INSC: variants seen among roughly 807,000 people sequenced by gnomAD.
The protein encoded by INSC is protein inscuteable homolog.
In INSC, 67 loss-of-function variants were observed where a neutral mutation model predicts 58.6. The ratio of observed to expected loss-of-function variants is 1.14; its 90% CI spans 0.94 to 1.40. The LOEUF is 1.40. INSC is among the 40% of genes most tolerant of loss of function. The probability of loss-of-function intolerance (pLI) is 0.00; values close to 1 mark genes in which losing one functional copy is unlikely to be tolerated. For synonymous variants in INSC, 262 were observed against 276.1 expected (o/e 0.95, Z 0.51); for missense variants, 714 against 692.0 (o/e 1.03, Z -0.36).
Position 15,175,867 on chromosome 11 carries a change from C to A in INSC, c.183C>A (p.Asp61Glu). The A allele has an allele frequency of 1.9e-6, 3 of 1,614,064 alleles. No homozygotes were observed. Among genetic ancestry groups the A allele is most frequent in the Non-Finnish European group, 1.7e-6 (2 of 1,179,906 alleles). ...GCCTGGAAGAGGATGCACAGGGTGA[C>A]CTCATCCTGGCAGGTGGCCCTGGCC... is the stretch of plus-strand genomic sequence containing the variant. ...PISLEEDAQG[D>E]LILAGGPGPG... The change falls in exon 3 of 13, where the codon GAC becomes GAA. Residue 61 changes from aspartate (D) to glutamate (E), a missense_variant. By Grantham distance (45) the Asp-to-Glu change is conservative (BLOSUM62 2). Transcript: ENST00000379556.
chr11:15,224,654 G>C (rs1452751025), intron 8 of INSC, among the ~76,000 whole-genome samples: 1 of 152,210 alleles, frequency 6.6e-6, no homozygotes, highest in African/African-American at 2.4e-5. Context: ...CAGACGTCAG[G>C]TCCACTGAAA....
At chr11:15,201,637 G>T (rs1343364327) in intron 7 of INSC, among the ~76,000 whole-genome samples, 1 of 152,208 alleles carries the variant, frequency 6.6e-6, no homozygotes, top group Non-Finnish European at 1.5e-5. Flanking sequence ...GTCTGAGCTT[G>T]CGGATAGGCT....
At chr11:15,197,773 T>TC (rs1176770312) in intron 6 of INSC, among the ~76,000 whole-genome samples, 7 of 151,496 alleles carry the variant, frequency 4.6e-5, no homozygotes, top group East Asian at 1.9e-4. Flanking sequence ...ATCAAAATTA[T>TC]CCCCCCCACC....
chr11:15,246,008 C>G lies in INSC; in HGVS notation c.1567C>G (p.Leu523Val), dbSNP rs1852550942. The part of the protein sequence containing the change: ...VQPRLVDSFL[L>V]CSNMEESFV ...GCCTCGGCTGGTGGACTCCTTCTTA[C>G]TCTGCAGCAACATGGAGGAGAGTTT... Residue 523 changes from leucine (L) to valine (V), a missense_variant, in exon 13 of 13, where the codon CTC (leucine) becomes GTC (valine). Physicochemically the swap from Leu to Val is conservative, Grantham distance 32 (BLOSUM62 1). Coordinates refer to ENST00000379556, the MANE Select transcript of INSC (RefSeq NM_001042536.3). The G allele has an allele frequency of 6.2e-7, 1 of 1,614,078 alleles. No individual in the cohort carries two copies. Among genetic ancestry groups the G allele is most frequent in the Admixed American group, 1.7e-5 (1 of 60,010 alleles).
intron 9 of INSC, among the ~76,000 whole-genome samples, chr11:15,229,966 A>AT (rs1241075691): frequency 7.8e-5 from 1 of 12,836 alleles, no homozygotes; most frequent in African/African-American, 3.7e-4. Flanking sequence ...ATATTTATAT[A>AT]TATATATATA....
intron 1 of INSC, among the ~76,000 whole-genome samples, chr11:15,142,716 G>A (rs1199050420): frequency 1.3e-5 from 2 of 152,280 alleles, no homozygotes; most frequent in African/African-American, 2.4e-5. Flanking sequence ...AGCTGGGTAC[G>A]ACCACGCAGT....
intron 5 of INSC, among the ~76,000 whole-genome samples, chr11:15,181,529 G>A (rs1197291454): frequency 1.3e-5 from 2 of 152,094 alleles, no homozygotes; most frequent in Non-Finnish European, 2.9e-5. Context: ...AGACAGCCTG[G>A]ACTAAAGCTG....
chr11:15,116,578 ATTC>A (rs1677627947), intron 1 of INSC, among the ~76,000 whole-genome samples: 1 of 152,082 alleles, frequency 6.6e-6, no homozygotes, highest in African/African-American at 2.4e-5. Context: ...TGGTGGTGTT[ATTC>A]TTCTTAGTAG....
chr11:15,243,743 T>C (rs938726619), intron 12 of INSC, among the ~76,000 whole-genome samples: 1 of 152,084 alleles, frequency 6.6e-6, no homozygotes, highest in Admixed American at 6.6e-5. Flanking sequence ...CTTCTTTCCC[T>C]TCTTCCCCTC....
chr11:15,151,104 T>A (rs146181729), intron 2 of INSC, among the ~76,000 whole-genome samples: 3 of 152,242 alleles, frequency 2.0e-5, no homozygotes, highest in African/African-American at 4.8e-5. Flanking sequence ...CAACTCCTGG[T>A]CCTTAGCCTG....
rs1175241398 is a variant in INSC at position 15,246,653 on chromosome 11, G to GGTTAA, written c.*617_*621dup. On this transcript the variant is annotated 3_prime_UTR_variant, in exon 13 of 13. Transcript: ENST00000379556. ...TCTTGTTTTCATAGGTGTATAAATA[G>GGTTAA]GTTAAGTTCTGAGTGACTTAGTGAG... The GGTTAA allele has an allele frequency of 2.0e-5, 3 of 152,460 alleles. No homozygotes were observed. The highest frequency in any genetic ancestry group is 7.2e-5 in the African/African-American group (3 of 41,386). 9.4% of individuals were successfully genotyped at this position (152,460 alleles called of 1,614,324 possible). A position where few individuals can be genotyped will look rare whatever the true frequency, so the allele number is the denominator to read the frequency against.
At chr11:15,114,251 G>T (rs865913587), upstream of INSC, among the ~76,000 whole-genome samples, 1 of 131,666 alleles carries the variant, frequency 7.6e-6, no homozygotes, top group African/African-American at 2.8e-5. Flanking sequence ...CAGGACGGGG[G>T]TGGGGGGTGG....
intron 10 of INSC, among the ~76,000 whole-genome samples, chr11:15,237,138 A>G (rs1436512237): frequency 6.6e-6 from 1 of 152,224 alleles, no homozygotes; most frequent in African/African-American, 2.4e-5. Context: ...TGTGCCTGGC[A>G]TTGTGCTAGA....
chr11:15,198,303 G>A (rs1451482921), intron 6 of INSC, among the ~76,000 whole-genome samples: 4 of 152,096 alleles, frequency 2.6e-5, no homozygotes, highest in African/African-American at 7.2e-5. Flanking sequence ...CCAGGATTTG[G>A]ACCAGAATCT....
At chr11:15,196,546 A>G (rs1351945057) in intron 6 of INSC, among the ~76,000 whole-genome samples, 1 of 152,172 alleles carries the variant, frequency 6.6e-6, no homozygotes, top group Non-Finnish European at 1.5e-5. Flanking sequence ...TCCACTGCAC[A>G]GTAATCAGCT....
intron 1 of INSC, among the ~76,000 whole-genome samples, chr11:15,147,797 A>G (rs1368323086): frequency 1.3e-5 from 2 of 152,178 alleles, no homozygotes; most frequent in South Asian, 4.1e-4. Context: ...CACTTTTCAG[A>G]CTGACCATTT....
chr11:15,120,867 TAA>T (rs199536773), intron 1 of INSC, among the ~76,000 whole-genome samples: 2,188 of 152,294 alleles, frequency 0.014, 30 homozygotes, highest in South Asian at 0.034. Flanking sequence ...TAAAAATGTA[TAA>T]GACTTATATA....
At chr11:15,258,875 A>C in the INSC span, among the ~76,000 whole-genome samples, 3 of 152,208 alleles carry the variant, frequency 2.0e-5, no homozygotes, top group Admixed American at 2.0e-4. Context: ...ATTAACAATC[A>C]CTATTCTATG....
intron 2 of INSC, among the ~76,000 whole-genome samples, chr11:15,156,865 A>G (rs974519036): frequency 1.3e-5 from 2 of 152,210 alleles, no homozygotes; most frequent in African/African-American, 4.8e-5. Flanking sequence ...ACTGTTTCAT[A>G]CTGCAATTTC....
Sources: gnomAD v4.1 joint callset for allele counts (sites outside exome capture counted in the v4.1 genomes callset) on GRCh38, gnomAD v4.1.1 for gene constraint, MANE v1.5 for transcripts, NCBI Gene and HGNC (gene_info 2026-07-23, HGNC 2026-07-21) for gene names.